PTPRD: variants seen among roughly 807,000 people sequenced by gnomAD.
PTPRD encodes protein tyrosine phosphatase receptor type D, also known as receptor-type tyrosine-protein phosphatase delta.
In PTPRD, 34 loss-of-function variants were observed where a neutral mutation model predicts 214.5. That is an observed-to-expected ratio of 0.16 (90% CI 0.12 to 0.21). The LOEUF (loss-of-function observed/expected upper bound fraction) is 0.21, where lower values mean the gene tolerates loss of function less well. PTPRD is among the 10% of genes least tolerant of loss of function. PTPRD has a pLI of 1.00. For synonymous variants in PTPRD, 1,128 were observed against 845.7 expected (o/e 1.33, Z -5.79); for missense variants, 2,545 against 2,398.7 (o/e 1.06, Z -1.27).
At chr9:10,426,819 C>A (rs1296955435) in intron 2 of PTPRD, among the ~76,000 whole-genome samples, 2 of 152,090 alleles carry the variant, frequency 1.3e-5, no homozygotes, top group African/African-American at 2.4e-5. Flanking sequence ...ACGCATCACA[C>A]AACTTTCCAT....
At chr9:9,238,709 A>G (rs2099968643) in intron 9 of PTPRD, among the ~76,000 whole-genome samples, 1 of 152,122 alleles carries the variant, frequency 6.6e-6, no homozygotes, top group Non-Finnish European at 1.5e-5. Context: ...TGTCCATGCA[A>G]TGAGGTATAT....
At chr9:9,769,815 T>A (rs1430849172) in intron 5 of PTPRD, among the ~76,000 whole-genome samples, 1 of 152,114 alleles carries the variant, frequency 6.6e-6, no homozygotes, top group Admixed American at 6.5e-5. Context: ...TGTGTCCATG[T>A]GTTCTCATTG....
At chr9:10,577,522 A>T (rs982448400) in intron 2 of PTPRD, among the ~76,000 whole-genome samples, 1 of 152,206 alleles carries the variant, frequency 6.6e-6, no homozygotes, top group Non-Finnish European at 1.5e-5. Context: ...CCTCCAAAAG[A>T]ATTAAGCCCT....
chr9:9,064,896 ATG>A (rs749360307), intron 10 of PTPRD, among the ~76,000 whole-genome samples: 54 of 152,222 alleles, frequency 3.5e-4, no homozygotes, highest in Non-Finnish European at 1.3e-4. Flanking sequence ...ATACAATACA[ATG>A]TTATCCAATT....
chr9:9,811,601 G>C (rs1481747498), intron 5 of PTPRD, among the ~76,000 whole-genome samples: 1 of 152,128 alleles, frequency 6.6e-6, no homozygotes, highest in African/African-American at 2.4e-5. Context: ...CAGCTACTCA[G>C]AAGGCTGAGG....
rs771468864 is a variant in PTPRD at position 8,485,870 on chromosome 9, C to T, written c.2947G>A (p.Gly983Ser). ...VPADTTMTLT[G>S]LKPDTTYDVK... ...TCGTATGTGGTATCTGGTTTTAAGC[C>T]AGTGAGTGTCATAGTGGTGTCAGCT... The change falls in exon 28 of 46, where the codon GGC becomes AGC. Residue 983 changes from glycine to serine, a missense_variant. Gly to Ser is a moderately conservative substitution (Grantham distance 56, BLOSUM62 0). Transcript: ENST00000381196. 1 of 1,614,130 alleles carries T rather than the reference C, an allele frequency of 6.2e-7. No individual in the cohort carries two copies. The highest frequency in any genetic ancestry group is 1.6e-4 in the Middle Eastern group (1 of 6,062).
intron 2 of PTPRD, among the ~76,000 whole-genome samples, chr9:10,377,055 A>G: frequency 6.6e-6 from 1 of 151,546 alleles, no homozygotes. Context: ...CCCACCCTCT[A>G]TTACCCTTTC....
chr9:9,494,451 C>T (rs6477397), intron 8 of PTPRD, among the ~76,000 whole-genome samples: 41,662 of 152,016 alleles, frequency 0.27, 6,677 homozygotes, highest in African/African-American at 0.44. Context: ...ACCCCAACCT[C>T]GAGTAACCAC....
At chr9:9,926,806 G>T (rs879475312) in intron 5 of PTPRD, among the ~76,000 whole-genome samples, 13 of 152,092 alleles carry the variant, frequency 8.5e-5, no homozygotes, top group Non-Finnish European at 7.4e-5. Context: ...TGTTTAGAGA[G>T]ATAAAAGTCA....
At chr9:9,638,052 G>A (rs951358643) in intron 7 of PTPRD, among the ~76,000 whole-genome samples, 4 of 152,104 alleles carry the variant, frequency 2.6e-5, no homozygotes, top group East Asian at 1.9e-4. Flanking sequence ...TCTTCAAAAT[G>A]TCTTTGGGGT....
chr9:10,152,064 A>G (rs2099064697), intron 3 of PTPRD, among the ~76,000 whole-genome samples: 1 of 152,156 alleles, frequency 6.6e-6, no homozygotes, highest in South Asian at 2.1e-4. Context: ...TAGGGTTGGG[A>G]TTACTGGATA....
intron 39 of PTPRD, among the ~76,000 whole-genome samples, chr9:8,365,856 C>G (rs142127613): frequency 2.8e-4 from 43 of 152,262 alleles, no homozygotes; most frequent in Admixed American, 7.2e-4. Flanking sequence ...TTTCCCAGCC[C>G]TTCAAGCTGA....
At chr9:8,670,047 G>C (rs2097252229) in intron 12 of PTPRD, among the ~76,000 whole-genome samples, 1 of 150,920 alleles carries the variant, frequency 6.6e-6, no homozygotes, top group South Asian at 2.1e-4. Flanking sequence ...CATCAAGTAA[G>C]ACAAGTGAGT....
At chr9:10,106,531 A>G (rs1391400502) in intron 3 of PTPRD, among the ~76,000 whole-genome samples, 1 of 151,978 alleles carries the variant, frequency 6.6e-6, no homozygotes, top group Non-Finnish European at 1.5e-5. Context: ...GGACACACAG[A>G]AAGTTCTAAA....
intron 5 of PTPRD, among the ~76,000 whole-genome samples, chr9:9,806,418 T>G (rs2099073593): frequency 6.6e-6 from 1 of 152,144 alleles, no homozygotes; most frequent in South Asian, 2.1e-4. Context: ...ATTCCCATCC[T>G]TGTGAATGTA....
At position 9,123,902 on chromosome 9, in the gene PTPRD, G is replaced by C. The variant is rs1338224809; in HGVS notation, c.-143+59402C>G. Among the ~76,000 whole-genome samples the C allele has an allele frequency of 2.6e-5, 4 of 151,826 alleles. No individual in the cohort carries two copies. In the East Asian group the frequency reaches 7.8e-4, roughly 30 times the overall value. ...AGTGGGAAATCATGATGTCATATCA[G>C]ATGAATAGGAGACAAAGAGAATATC... is the stretch of plus-strand genomic sequence containing the variant. On this transcript the variant is annotated intron_variant, in intron 10 of 45. Transcript: ENST00000381196.
At chr9:8,546,686 G>A (rs1440552497) in intron 14 of PTPRD, among the ~76,000 whole-genome samples, 2 of 151,978 alleles carry the variant, frequency 1.3e-5, no homozygotes, top group Non-Finnish European at 2.9e-5. Context: ...TTTTAGTAGA[G>A]ATGGGGTTTC....
At chr9:8,902,707 G>A (rs1211798463) in intron 11 of PTPRD, among the ~76,000 whole-genome samples, 3 of 152,020 alleles carry the variant, frequency 2.0e-5, no homozygotes, top group Non-Finnish European at 4.4e-5. Context: ...TTAAGAAACA[G>A]CACCATAGAT....
intron 14 of PTPRD, among the ~76,000 whole-genome samples, chr9:8,611,829 G>A (rs942047805): frequency 4.0e-5 from 6 of 149,966 alleles, no homozygotes; most frequent in Non-Finnish European, 5.9e-5. Context: ...GAGAGGAGGA[G>A]AAGGAAAGAG....
Sources: gnomAD v4.1 joint callset for allele counts (sites outside exome capture counted in the v4.1 genomes callset) on GRCh38, gnomAD v4.1.1 for gene constraint, MANE v1.5 for transcripts, NCBI Gene and HGNC (gene_info 2026-07-23, HGNC 2026-07-21) for gene names.